Variants in CRYBG1 observed in about 807,000 individuals in gnomAD.
CRYBG1 encodes the protein beta/gamma crystallin domain-containing protein 1.
In CRYBG1, 139 loss-of-function variants were observed where a neutral mutation model predicts 189.2. That is an observed-to-expected ratio of 0.73 (90% confidence interval 0.64 to 0.85). The LOEUF (loss-of-function observed/expected upper bound fraction) is 0.85. Ranked by LOEUF, CRYBG1 falls within the 40% of genes least tolerant of loss-of-function variation. The pLI is 0.00. For synonymous variants in CRYBG1, 1,023 were observed against 1,017.1 expected (o/e 1.01, Z -0.11); for missense variants, 2,611 against 2,675.8 (o/e 0.98, Z 0.53).
intron 1 of CRYBG1, among the ~76,000 whole-genome samples, chr6:106,401,220 T>A (rs1465343275): frequency 6.6e-6 from 1 of 152,228 alleles, no homozygotes; most frequent in Non-Finnish European, 1.5e-5. Context: ...TGGATTCATT[T>A]TTTAATGAGT....
chr6:106,440,215 C>T (rs1771540890), intron 1 of CRYBG1, among the ~76,000 whole-genome samples: 1 of 151,940 alleles, frequency 6.6e-6, no homozygotes, highest in East Asian at 1.9e-4. Context: ...AGCACATCCT[C>T]ACCTTATTTG....
intron 1 of CRYBG1, among the ~76,000 whole-genome samples, chr6:106,419,025 T>G (rs886439810): frequency 1.3e-5 from 2 of 152,180 alleles, no homozygotes; most frequent in Non-Finnish European, 2.9e-5. Context: ...ATTATGCAAA[T>G]CGGTTTTTTC....
At chr6:106,496,938 G>T (rs949733958) in intron 2 of CRYBG1, among the ~76,000 whole-genome samples, 1 of 152,206 alleles carries the variant, frequency 6.6e-6, no homozygotes, top group South Asian at 2.1e-4. Flanking sequence ...GCACAGGCTT[G>T]TCCACCCCAA....
At chr6:106,413,028 G>C (rs531573572) in intron 1 of CRYBG1, among the ~76,000 whole-genome samples, 1 of 151,646 alleles carries the variant, frequency 6.6e-6, no homozygotes, top group South Asian at 2.1e-4. Flanking sequence ...ACTGGGTCCA[G>C]AGGTTCATTT....
intron 10 of CRYBG1, 22 bp from the exon 11 acceptor site, chr6:106,543,418 G>A (rs753800271): frequency 5.7e-6 from 9 of 1,592,066 alleles, no homozygotes; most frequent in Admixed American, 3.4e-5. Context: ...CAGATTACTG[G>A]TATATCTCAT....
chr6:106,550,032 A>G (rs1373891884), intron 13 of CRYBG1, among the ~76,000 whole-genome samples: 3 of 152,194 alleles, frequency 2.0e-5, no homozygotes, highest in Admixed American at 2.0e-4. Context: ...GTTCTGGCCA[A>G]TAGTCGATTG....
chr6:106,375,255 A>G (rs548269969), intron 1 of CRYBG1, among the ~76,000 whole-genome samples: 3 of 152,070 alleles, frequency 2.0e-5, no homozygotes, highest in Admixed American at 6.6e-5. Context: ...GCGTGGTGGC[A>G]TGTGCCTGTA....
At chr6:106,517,092 C>G (rs1018154514) in intron 3 of CRYBG1, among the ~76,000 whole-genome samples, 1 of 148,268 alleles carries the variant, frequency 6.7e-6, no homozygotes, top group African/African-American at 2.5e-5. Flanking sequence ...TCACTGCAGC[C>G]TTGATCTTCT....
intron 1 of CRYBG1, among the ~76,000 whole-genome samples, chr6:106,433,757 G>GTATATATATATA (rs1562305866): frequency 0.13 from 3,153 of 23,488 alleles, 280 homozygotes; most frequent in African/African-American, 0.34. Context: ...ATATATATAT[G>GTATATATATATA]TGTATATATA....
chr6:106,384,974 G>C, intron 1 of CRYBG1, among the ~76,000 whole-genome samples: 1 of 151,186 alleles, frequency 6.6e-6, no homozygotes, highest in African/African-American at 2.4e-5. Context: ...TTCCAGTTTG[G>C]CTTTGAATGC....
intron 1 of CRYBG1, among the ~76,000 whole-genome samples, chr6:106,400,888 A>G (rs1770708371): frequency 6.6e-6 from 1 of 152,186 alleles, no homozygotes; most frequent in South Asian, 2.1e-4. Flanking sequence ...ATCGTAGAGA[A>G]GGGTAAGAGG....
intron 2 of CRYBG1, among the ~76,000 whole-genome samples, chr6:106,469,721 C>A (rs1772191059): frequency 6.6e-6 from 1 of 152,126 alleles, no homozygotes; most frequent in Admixed American, 6.5e-5. Flanking sequence ...TGTTTTGTTC[C>A]CTTGTGCCAC....
rs1389019635 is a variant in CRYBG1, at chr6:106,519,738, A to G, written c.2530A>G (p.Thr844Ala). 6.2e-7 allele frequency: 1 copy of G among 1,614,060 alleles called. No homozygotes were observed. The highest frequency in any genetic ancestry group is 8.5e-7 in the Non-Finnish European group (1 of 1,180,044). Residue 844 changes from threonine (T) to alanine (A), a missense_variant, in exon 4 of 22, where the codon ACC becomes GCC. By Grantham distance (58) the Thr-to-Ala change is moderately conservative (BLOSUM62 0). Transcript: ENST00000633556. ...TAQDIPTTVD[T>A]KDLPPTAMPK... ...ACAAGACATCCCCACCACTGTGGAT[A>G]CCAAAGATTTACCTCCAACGGCCAT...
At chr6:106,539,155 A>G (rs1774073140) in intron 8 of CRYBG1, among the ~76,000 whole-genome samples, 1 of 152,328 alleles carries the variant, frequency 6.6e-6, no homozygotes, top group East Asian at 1.9e-4. Flanking sequence ...GGAGCAATTA[A>G]TAATACAAAT....
intron 2 of CRYBG1, among the ~76,000 whole-genome samples, chr6:106,478,388 T>C (rs891911989): frequency 6.6e-6 from 1 of 152,208 alleles, no homozygotes; most frequent in Non-Finnish European, 1.5e-5. Flanking sequence ...TAGAAACTGA[T>C]GCATATACTG....
intron 1 of CRYBG1, among the ~76,000 whole-genome samples, chr6:106,423,868 C>T (rs1279281131): frequency 1.3e-5 from 2 of 151,892 alleles, no homozygotes; most frequent in Non-Finnish European, 2.9e-5. Flanking sequence ...CCATGCCTGG[C>T]TAATTTTTGT....
chr6:106,437,468 C>T (rs1370698900), intron 1 of CRYBG1, among the ~76,000 whole-genome samples: 1 of 152,082 alleles, frequency 6.6e-6, no homozygotes, highest in African/African-American at 2.4e-5. Flanking sequence ...GCATCTCACT[C>T]TGTCACCCAG....
chr6:106,565,134 A>G (rs1050264303), intron 21 of CRYBG1, among the ~76,000 whole-genome samples: 3 of 152,068 alleles, frequency 2.0e-5, no homozygotes, highest in African/African-American at 7.2e-5. Flanking sequence ...CCTGGCTAAC[A>G]TGGTGAAACC....
At chr6:106,391,673 G>A (rs564554839) in intron 1 of CRYBG1, among the ~76,000 whole-genome samples, 1 of 151,898 alleles carries the variant, frequency 6.6e-6, no homozygotes, top group Admixed American at 6.5e-5. Flanking sequence ...TGCCTTATTT[G>A]TCTAATGCTT....
Sources: allele counts gnomAD v4.1 joint callset (sites outside exome capture counted in the v4.1 genomes callset), GRCh38; gene constraint gnomAD v4.1.1; transcripts MANE v1.5; gene names NCBI Gene and HGNC (gene_info 2026-07-23, HGNC 2026-07-21).